PHF14: variants seen among roughly 807,000 people sequenced by gnomAD.
The protein encoded by PHF14 is PHD finger protein 14.
Under a neutral mutation model 117.9 loss-of-function variants are expected in PHF14, and 55 were observed. The observed-to-expected ratio is 0.47, with a 90% CI of 0.38 to 0.58. PHF14 has a LOEUF of 0.58. Among genes scored for constraint, PHF14 ranks in the 20% least tolerant of loss-of-function variants. PHF14 has a pLI of 0.00. For synonymous variants in PHF14, 409 were observed against 368.6 expected, an observed-to-expected ratio of 1.11 and a Z score of -1.26; for missense variants, 978 against 1,122.2, an observed-to-expected ratio of 0.87 and a Z score of 1.84.
chr7:11,077,793 G>GT (rs1369731632), intron 16 of PHF14, among the ~76,000 whole-genome samples: 1 of 151,982 alleles, frequency 6.6e-6, no homozygotes, highest in Non-Finnish European at 1.5e-5. Context: ...GCAATACAAG[G>GT]TAATAGACAA....
chr7:11,165,886 T>A (rs573837210), intron 17 of PHF14, among the ~76,000 whole-genome samples: 1 of 152,328 alleles, frequency 6.6e-6, no homozygotes, highest in South Asian at 2.1e-4. Context: ...TTAATTTCTC[T>A]GTTAGAATAA....
chr7:11,089,533 A>G (rs190838217), intron 16 of PHF14, among the ~76,000 whole-genome samples: 4 of 152,302 alleles, frequency 2.6e-5, no homozygotes, highest in Admixed American at 2.6e-4. Context: ...CTCCACAAAA[A>G]GGAAAAAAAG....
At chr7:11,040,283 T>G (rs1191567645) in intron 11 of PHF14, among the ~76,000 whole-genome samples, 5 of 152,106 alleles carry the variant, frequency 3.3e-5, no homozygotes, top group Admixed American at 3.3e-4. Flanking sequence ...TAAGATAATT[T>G]TTCTAATTAA....
At chr7:11,008,678 A>G (rs1783218282) in intron 4 of PHF14, among the ~76,000 whole-genome samples, 1 of 152,112 alleles carries the variant, frequency 6.6e-6, no homozygotes, top group African/African-American at 2.4e-5. Flanking sequence ...TTTGGGATAT[A>G]TTTCTGACAA....
chr7:11,102,220 AAGAT>A (rs1303446024), intron 16 of PHF14, among the ~76,000 whole-genome samples: 3 of 151,956 alleles, frequency 2.0e-5, no homozygotes, highest in African/African-American at 7.2e-5. Flanking sequence ...TTGCTTTAGA[AAGAT>A]AGGTTTATTT....
At chr7:10,974,471 C>G (rs1781794787) in intron 1 of PHF14, 147 bp downstream of exon 1, 1 of 744,698 alleles carries the variant, frequency 1.3e-6, no homozygotes, top group Non-Finnish European at 2.3e-6. Flanking sequence ...GGGAATGAAG[C>G]CCGCTTGTTT....
intron 16 of PHF14, among the ~76,000 whole-genome samples, chr7:11,069,596 G>T (rs1019518070): frequency 1.3e-5 from 2 of 148,886 alleles, no homozygotes; most frequent in Non-Finnish European, 3.0e-5. Flanking sequence ...CTCTGTGAAC[G>T]TATTCCCTCC....
chr7:11,048,893 T>C (rs200154401), intron 13 of PHF14, among the ~76,000 whole-genome samples: 1 of 129,620 alleles, frequency 7.7e-6, no homozygotes, highest in Admixed American at 8.8e-5. Context: ...TTTTGAGTTG[T>C]TCCGTGTTTT....
chr7:11,052,541 G>A (rs550438258), intron 14 of PHF14, among the ~76,000 whole-genome samples: 1 of 152,250 alleles, frequency 6.6e-6, no homozygotes, highest in East Asian at 1.9e-4. Context: ...TGCATCTTCA[G>A]TTTTGCTAGA....
chr7:11,138,773 T>A (rs908235758), intron 17 of PHF14, among the ~76,000 whole-genome samples: 2 of 152,164 alleles, frequency 1.3e-5, no homozygotes, highest in East Asian at 3.9e-4. Flanking sequence ...TAATTGTATT[T>A]TCCTTGTTTT....
chr7:11,044,354 A>G (rs1407290322), intron 13 of PHF14, among the ~76,000 whole-genome samples: 3 of 152,164 alleles, frequency 2.0e-5, no homozygotes, highest in African/African-American at 4.8e-5. Flanking sequence ...AGTAATGTAC[A>G]TAGCCTGAGG....
intron 17 of PHF14, among the ~76,000 whole-genome samples, chr7:11,153,065 A>G (rs935686168): frequency 6.6e-6 from 1 of 152,184 alleles, no homozygotes; most frequent in African/African-American, 2.4e-5. Flanking sequence ...AGAGAGTTCC[A>G]AGCATGGGTG....
intron 16 of PHF14, chr7:11,109,159 C>T (rs1028174036): frequency 2.0e-5 from 3 of 151,746 alleles, no homozygotes; most frequent in African/African-American, 7.3e-5. Flanking sequence ...TTTTAGTGGT[C>T]TGGTTTCTGA....
At chr7:11,168,448 G>A (rs756607267) in intron 17 of PHF14, among the ~76,000 whole-genome samples, 2 of 152,142 alleles carry the variant, frequency 1.3e-5, no homozygotes, top group Non-Finnish European at 2.9e-5. Context: ...ACTTTATAAA[G>A]TCAATTCACA....
intron 7 of PHF14, among the ~76,000 whole-genome samples, chr7:11,033,216 CA>C (rs1445155708): frequency 6.6e-6 from 1 of 152,164 alleles, no homozygotes; most frequent in East Asian, 1.9e-4. Context: ...ACTGGTTTAA[CA>C]AAACCAAGTA....
intron 17 of PHF14, among the ~76,000 whole-genome samples, chr7:11,149,973 C>G (rs1788660723): frequency 1.3e-5 from 2 of 151,876 alleles, no homozygotes; most frequent in Admixed American, 1.3e-4. Flanking sequence ...TTGAATGTTT[C>G]TAGTGTGTGA....
chr7:11,167,840 T>C (rs1429423041), intron 17 of PHF14, among the ~76,000 whole-genome samples: 2 of 152,038 alleles, frequency 1.3e-5, no homozygotes, highest in African/African-American at 4.8e-5. Context: ...CCATCCTGGC[T>C]AACACGGTGA....
chr7:11,091,876 T>C (rs1241505970), intron 16 of PHF14, among the ~76,000 whole-genome samples: 2 of 152,226 alleles, frequency 1.3e-5, no homozygotes, highest in East Asian at 3.9e-4. Flanking sequence ...ACCTTTGCTT[T>C]AAGTAAATGA....
chr7:11,077,691 G>A (rs1785919010), intron 16 of PHF14, among the ~76,000 whole-genome samples: 1 of 150,660 alleles, frequency 6.6e-6, no homozygotes, highest in Non-Finnish European at 1.5e-5. Flanking sequence ...CTCGTACATA[G>A]TCTCTTGTTT....
Sources: allele counts gnomAD v4.1 joint callset (sites outside exome capture counted in the v4.1 genomes callset), GRCh38; gene constraint gnomAD v4.1.1; transcripts MANE v1.5; gene names NCBI Gene and HGNC (gene_info 2026-07-23, HGNC 2026-07-21).